SUGCT: variants seen among roughly 807,000 people sequenced by gnomAD.
SUGCT encodes the protein succinyl-CoA:glutarate-CoA transferase, also known as succinyl-CoA:glutarate CoA-transferase.
In SUGCT, 41 loss-of-function variants were observed where a neutral mutation model predicts 55.0. That is an observed-to-expected ratio of 0.74 (90% CI 0.58 to 0.97). SUGCT has a LOEUF of 0.97. SUGCT is among the 50% of genes least tolerant of loss of function. The pLI is 0.00. For missense variants in SUGCT, 568 were observed against 547.8 expected, an observed-to-expected ratio of 1.04 and a Z score of -0.37; for synonymous variants, 187 against 200.4, an observed-to-expected ratio of 0.93 and a Z score of 0.56.
chr7:40,553,821 G>C (rs1014648734), intron 12 of SUGCT, among the ~76,000 whole-genome samples: 3 of 152,150 alleles, frequency 2.0e-5, no homozygotes, highest in Admixed American at 6.5e-5. Flanking sequence ...TCCAATGCGA[G>C]TATCCCCTAT....
rs555254097 is a variant in SUGCT, at chr7:40,769,307, A to T, written c.1153+19810A>T. Among the ~76,000 whole-genome samples, 258 of 152,182 alleles carry T rather than the reference A, an allele frequency of 1.7e-3. 1 individual carries two copies. The highest frequency in any genetic ancestry group is 3.2e-3 in the Non-Finnish European group (217 of 68,036). On this transcript the variant is annotated intron_variant, in intron 13 of 13. Coordinates refer to ENST00000335693, the MANE Select transcript of SUGCT (RefSeq NM_001193313.2). ...TCTCATTTCCTAATCCGGGATTTTT[A>T]CCTGATTCCTTGAGGTGGTGGCTGA... is the stretch of plus-strand genomic sequence containing the variant.
At position 40,192,107 on chromosome 7, in the gene SUGCT, C is replaced by CAAA. The variant is rs34662909; in HGVS notation, c.363+2533_363+2535dup. On this transcript the variant is annotated intron_variant, in intron 5 of 13. Transcript: ENST00000335693. ...TGGGTGACACAGTGAGATTCCATCT[C>CAAA]AAAAAAAAAAAAAAAAAAAAAAGGA... 6.4e-4 allele frequency among the ~76,000 whole-genome samples: 39 copies of CAAA among 60,620 alleles called. 1 individual carries two copies. The highest frequency in any genetic ancestry group is 8.6e-3 in the Middle Eastern group (1 of 116). 39.8% of individuals were successfully genotyped at this position (60,620 alleles called of 152,430 possible). A position where few individuals can be genotyped will look rare whatever the true frequency, so the allele number is the denominator to read the frequency against.
intron 1 of SUGCT, among the ~76,000 whole-genome samples, chr7:40,149,202 C>T (rs2150599974): frequency 6.6e-6 from 1 of 152,212 alleles, no homozygotes; most frequent in Admixed American, 6.5e-5. Context: ...TTTAGAGATA[C>T]AACCTTAAAT....
At chr7:40,812,211 G>C (rs1791457213) in intron 13 of SUGCT, among the ~76,000 whole-genome samples, 1 of 151,936 alleles carries the variant, frequency 6.6e-6, no homozygotes, top group Non-Finnish European at 1.5e-5. Context: ...TTGTGTCTTT[G>C]CCAGGTTTTG....
At chr7:40,716,439 C>A (rs1204522918) in intron 12 of SUGCT, among the ~76,000 whole-genome samples, 1 of 152,132 alleles carries the variant, frequency 6.6e-6, no homozygotes, top group Non-Finnish European at 1.5e-5. Flanking sequence ...TTAACTCATT[C>A]CAAAGTCTAC....
intron 12 of SUGCT, among the ~76,000 whole-genome samples, chr7:40,564,245 A>G (rs750862258): frequency 3.0e-4 from 45 of 152,254 alleles, no homozygotes; most frequent in Non-Finnish European, 4.9e-4. Context: ...GTGTGGTAGC[A>G]GGCGCCTGTA....
At chr7:40,810,198 T>C (rs1225015176) in intron 13 of SUGCT, among the ~76,000 whole-genome samples, 1 of 152,020 alleles carries the variant, frequency 6.6e-6, no homozygotes, top group Non-Finnish European at 1.5e-5. Flanking sequence ...CAATCATGGC[T>C]CACTGTAGCC....
chr7:40,890,347 T>A, the SUGCT span, among the ~76,000 whole-genome samples: 5 of 143,126 alleles, frequency 3.5e-5, no homozygotes, highest in Non-Finnish European at 7.6e-5. Flanking sequence ...ATATAAATAT[T>A]AATATATTTA....
In SUGCT at chr7:40,537,408, T is replaced by C. The variant is rs1302178051; in HGVS notation, c.1089+41022T>C. On this transcript the variant is annotated intron_variant, in intron 12 of 13. Coordinates refer to ENST00000335693, the MANE Select transcript of SUGCT (RefSeq NM_001193313.2). ...AGGGTAAAATTATCAAATCTACAAT[T>C]GAAGCTTCATCTTTATTAACAAAAT... Among the ~76,000 whole-genome samples, 3 of 152,304 alleles carry C rather than the reference T, an allele frequency of 2.0e-5. No homozygotes were observed. In the East Asian group the frequency reaches 5.8e-4, roughly 29 times the overall value.
At chr7:40,889,802 C>G in the SUGCT span, among the ~76,000 whole-genome samples, 1 of 152,180 alleles carries the variant, frequency 6.6e-6, no homozygotes, top group African/African-American at 2.4e-5. Context: ...AAAAGACTAT[C>G]CCTGTTACCA....
chr7:40,958,363 T>C, the SUGCT span, among the ~76,000 whole-genome samples: 54 of 152,076 alleles, frequency 3.6e-4, no homozygotes, highest in East Asian at 9.6e-3. Flanking sequence ...TTCATTCCTG[T>C]TCATTCTTTT....
chr7:40,333,657 A>C (rs1796458188), intron 9 of SUGCT, among the ~76,000 whole-genome samples: 1 of 57,198 alleles, frequency 1.7e-5, no homozygotes, highest in Non-Finnish European at 3.2e-5. Flanking sequence ...AAAAAAAAAA[A>C]AAAAAAAAAA....
At chr7:40,347,211 G>T (rs930554581) in intron 9 of SUGCT, among the ~76,000 whole-genome samples, 1 of 152,196 alleles carries the variant, frequency 6.6e-6, no homozygotes. Flanking sequence ...GAGGAGAGCT[G>T]GAGATTATGC....
intron 12 of SUGCT, among the ~76,000 whole-genome samples, chr7:40,575,121 G>GT (rs990299147): frequency 9.4e-5 from 14 of 149,660 alleles, no homozygotes; most frequent in African/African-American, 3.3e-4. Flanking sequence ...GAGGGTGGCG[G>GT]GGGTGGGGGT....
chr7:40,864,824 G>A (rs1451241804), downstream of SUGCT, among the ~76,000 whole-genome samples: 1 of 152,072 alleles, frequency 6.6e-6, no homozygotes, highest in Non-Finnish European at 1.5e-5. Flanking sequence ...CTGACGTGTT[G>A]GTGCCGAGAG....
intron 12 of SUGCT, among the ~76,000 whole-genome samples, chr7:40,610,686 GA>G (rs1798728219): frequency 6.6e-6 from 1 of 152,184 alleles, no homozygotes; most frequent in Admixed American, 6.5e-5. Flanking sequence ...TGAGTGTTTA[GA>G]AATGGGGTGT....
chr7:40,712,184 A>C (rs987760606), intron 12 of SUGCT, among the ~76,000 whole-genome samples: 1 of 152,234 alleles, frequency 6.6e-6, no homozygotes, highest in African/African-American at 2.4e-5. Flanking sequence ...GAATATTCAA[A>C]TTATTTGTAT....
intron 8 of SUGCT, among the ~76,000 whole-genome samples, chr7:40,313,278 A>G (rs1391854333): frequency 6.6e-6 from 1 of 152,242 alleles, no homozygotes; most frequent in East Asian, 1.9e-4. Flanking sequence ...AGGGAATGAA[A>G]GTAATGATCT....
chr7:40,391,122 CA>C (rs1422906188), intron 9 of SUGCT, among the ~76,000 whole-genome samples: 1 of 152,050 alleles, frequency 6.6e-6, no homozygotes, highest in Non-Finnish European at 1.5e-5. Context: ...ACACCTTATA[CA>C]AAAATTAATT....
Sources: allele counts gnomAD v4.1 joint callset (sites outside exome capture counted in the v4.1 genomes callset), GRCh38; gene constraint gnomAD v4.1.1; transcripts MANE v1.5; gene names NCBI Gene and HGNC (gene_info 2026-07-23, HGNC 2026-07-21).